Variants in GPC5 observed in about 807,000 individuals in gnomAD.
GPC5 encodes glypican 5, also known as glypican-5.
GPC5 carries 47 observed loss-of-function variants against 53.9 expected under a neutral mutation model. The observed-to-expected ratio is 0.87, with a 90% CI of 0.69 to 1.11. GPC5 has a LOEUF of 1.11. Ranked by LOEUF, GPC5 falls within the 50% of genes most tolerant of loss-of-function variation. The probability of loss-of-function intolerance (pLI) is 0.00; values close to 1 mark genes in which losing one functional copy is unlikely to be tolerated. For synonymous variants in GPC5, 286 were observed against 263.3 expected (o/e 1.09, Z -0.84); for missense variants, 748 against 713.1 (o/e 1.05, Z -0.56).
chr13:92,056,607 C>T (rs902450048), intron 6 of GPC5, among the ~76,000 whole-genome samples: 2 of 152,066 alleles, frequency 1.3e-5, no homozygotes, highest in African/African-American at 4.8e-5. Context: ...TCTTCAATGT[C>T]TTTTTTCTGT....
At chr13:92,777,613 G>A (rs546652676) in intron 7 of GPC5, among the ~76,000 whole-genome samples, 3 of 149,224 alleles carry the variant, frequency 2.0e-5, no homozygotes, top group South Asian at 2.2e-4. Flanking sequence ...GCGAGACTCC[G>A]TCTCAAAACA....
intron 6 of GPC5, among the ~76,000 whole-genome samples, chr13:91,927,772 A>G (rs540676555): frequency 2.0e-5 from 3 of 152,342 alleles, no homozygotes; most frequent in African/African-American, 7.2e-5. Context: ...TGGTGTAGCT[A>G]CATGGTATAG....
chr13:92,458,237 T>C (rs1878346688), intron 7 of GPC5, among the ~76,000 whole-genome samples: 1 of 151,254 alleles, frequency 6.6e-6, no homozygotes, highest in Non-Finnish European at 1.5e-5. Context: ...GGAATGTTCA[T>C]TGTACTTATT....
intron 5 of GPC5, among the ~76,000 whole-genome samples, chr13:91,838,467 A>G (rs973340911): frequency 6.6e-6 from 1 of 152,036 alleles, no homozygotes; most frequent in African/African-American, 2.4e-5. Context: ...CTTGTTTTTA[A>G]GAGGAGAAAT....
At chr13:91,569,303 A>T (rs2031676549) in intron 2 of GPC5, among the ~76,000 whole-genome samples, 1 of 152,158 alleles carries the variant, frequency 6.6e-6, no homozygotes, top group Non-Finnish European at 1.5e-5. Context: ...TTTTTAAAAT[A>T]TCATACCCAA....
chr13:92,257,546 A>ATTTTTTTTGTTTTTTTTTTTTTTTTTTTT (rs2042735294), intron 7 of GPC5, among the ~76,000 whole-genome samples: 1 of 72,966 alleles, frequency 1.4e-5, no homozygotes, highest in Admixed American at 1.9e-4. Flanking sequence ...TAATACAGGG[A>ATTTTTTTTGTTTTTTTTTTTTTTTTTTTT]TTTTTTTTTT....
intron 5 of GPC5, among the ~76,000 whole-genome samples, chr13:91,813,377 G>C (rs2038344392): frequency 6.6e-6 from 1 of 152,200 alleles, no homozygotes; most frequent in African/African-American, 2.4e-5. Context: ...TTGACTAGCT[G>C]CCAAGATTTC....
At chr13:92,557,996 T>C (rs1329084413) in intron 7 of GPC5, among the ~76,000 whole-genome samples, 1 of 151,974 alleles carries the variant, frequency 6.6e-6, no homozygotes, top group Non-Finnish European at 1.5e-5. Context: ...AAGGAAATGA[T>C]AAATATAAAG....
At chr13:91,789,376 A>G (rs1157445941) in intron 5 of GPC5, among the ~76,000 whole-genome samples, 3 of 152,228 alleles carry the variant, frequency 2.0e-5, no homozygotes, top group Non-Finnish European at 2.9e-5. Flanking sequence ...ACATCTTAAA[A>G]AATAATATTG....
At chr13:92,402,249 G>A (rs1008049845) in intron 7 of GPC5, among the ~76,000 whole-genome samples, 2 of 152,034 alleles carry the variant, frequency 1.3e-5, no homozygotes, top group African/African-American at 4.8e-5. Context: ...TAATAGCAGC[G>A]AGTTTGGGCA....
At chr13:92,080,284 T>C (rs2041284932) in intron 6 of GPC5, among the ~76,000 whole-genome samples, 1 of 152,144 alleles carries the variant, frequency 6.6e-6, no homozygotes, top group Admixed American at 6.5e-5. Flanking sequence ...ATGGTCCCAT[T>C]CACGTCCATA....
chr13:92,470,000 ATGAGT>A (rs1346211097), intron 7 of GPC5, among the ~76,000 whole-genome samples: 1 of 152,178 alleles, frequency 6.6e-6, no homozygotes, highest in Admixed American at 6.6e-5. Context: ...ACTATCAGAA[ATGAGT>A]TGAGGTGTTA....
intron 6 of GPC5, among the ~76,000 whole-genome samples, chr13:91,927,064 G>GA (rs1418801165): frequency 1.3e-5 from 2 of 152,070 alleles, no homozygotes; most frequent in Non-Finnish European, 2.9e-5. Flanking sequence ...TGTTTCTGTG[G>GA]AAAAATACTT....
chr13:92,199,852 T>C (rs1479950518), intron 7 of GPC5, among the ~76,000 whole-genome samples: 1 of 152,170 alleles, frequency 6.6e-6, no homozygotes, highest in East Asian at 1.9e-4. Flanking sequence ...GAAATCCCTC[T>C]AGACTGCTGT....
At chr13:92,254,166 A>G (rs1417551054) in intron 7 of GPC5, among the ~76,000 whole-genome samples, 4 of 152,138 alleles carry the variant, frequency 2.6e-5, no homozygotes, top group African/African-American at 9.7e-5. Flanking sequence ...CTCTTCCTTC[A>G]GTATCTAGTA....
chr13:92,278,832 A>G (rs762632351), intron 7 of GPC5, among the ~76,000 whole-genome samples: 1 of 152,038 alleles, frequency 6.6e-6, no homozygotes, highest in Non-Finnish European at 1.5e-5. Flanking sequence ...AAAATCAATT[A>G]GTCATGGATG....
At chr13:91,913,427 T>C (rs2039629449) in intron 6 of GPC5, among the ~76,000 whole-genome samples, 1 of 147,680 alleles carries the variant, frequency 6.8e-6, no homozygotes, top group South Asian at 2.2e-4. Context: ...AGAAAAGGAG[T>C]TTTGAGACTT....
intron 7 of GPC5, among the ~76,000 whole-genome samples, chr13:92,371,165 C>A (rs1212173503): frequency 6.6e-6 from 1 of 152,050 alleles, no homozygotes; most frequent in Non-Finnish European, 1.5e-5. Flanking sequence ...CCAAACCAAA[C>A]CAAAACAAAA....
chr13:92,320,921 TC>T (rs1432939770), intron 7 of GPC5, among the ~76,000 whole-genome samples: 3 of 152,212 alleles, frequency 2.0e-5, no homozygotes, highest in African/African-American at 7.2e-5. Flanking sequence ...TCTTCTTGAA[TC>T]TTTGACCCTT....
Sources: allele counts gnomAD v4.1 joint callset (sites outside exome capture counted in the v4.1 genomes callset), GRCh38; gene constraint gnomAD v4.1.1; transcripts MANE v1.5; gene names NCBI Gene and HGNC (gene_info 2026-07-23, HGNC 2026-07-21).